The following EIF4G3 variants were observed in gnomAD, a reference collection of about 807,000 sequenced individuals.
EIF4G3 encodes the protein eIF-4-gamma 3.
Under a neutral mutation model 186.4 loss-of-function variants are expected in EIF4G3, and 34 were observed. The ratio of observed to expected loss-of-function variants is 0.18; its 90% CI spans 0.14 to 0.24. The LOEUF (loss-of-function observed/expected upper bound fraction) is 0.24. EIF4G3 is among the 10% of genes least tolerant of loss of function. The pLI is 1.00. For synonymous variants in EIF4G3, 673 were observed against 679.5 expected (o/e 0.99, Z 0.15); for missense variants, 1,536 against 1,948.5 (o/e 0.79, Z 3.99).
intron 2 of EIF4G3, among the ~76,000 whole-genome samples, chr1:21,114,611 A>T (rs2096785148): frequency 6.6e-6 from 1 of 152,230 alleles, no homozygotes; most frequent in Admixed American, 6.5e-5. Context: ...GTTATTCATT[A>T]AGACCACTGT....
intron 3 of EIF4G3, among the ~76,000 whole-genome samples, chr1:21,061,154 A>G (rs1291635009): frequency 6.6e-6 from 1 of 152,192 alleles, no homozygotes; most frequent in Non-Finnish European, 1.5e-5. Context: ...AAGAAGGGAA[A>G]GTATTCCTAA....
At chr1:20,813,100 G>A (rs1422219221) in intron 35 of EIF4G3, 58 bp downstream of exon 35, 19 of 1,167,936 alleles carry the variant, frequency 1.6e-5, no homozygotes, top group Non-Finnish European at 2.4e-5. Flanking sequence ...TGTATACTTA[G>A]TAGTTGACAT....
chr1:21,148,417 A>G (rs1184252229), intron 2 of EIF4G3, among the ~76,000 whole-genome samples: 1 of 151,988 alleles, frequency 6.6e-6, no homozygotes, highest in Non-Finnish European at 1.5e-5. Context: ...AAAATCGAGT[A>G]AACAGCCGGG....
At chr1:21,092,010 C>G (rs1350736941) in intron 2 of EIF4G3, among the ~76,000 whole-genome samples, 1 of 152,100 alleles carries the variant, frequency 6.6e-6, no homozygotes, top group Non-Finnish European at 1.5e-5. Flanking sequence ...ATTGCCCTGG[C>G]CAACTTCCAA....
At chr1:21,154,348 G>A (rs570240126) in intron 2 of EIF4G3, among the ~76,000 whole-genome samples, 27 of 152,264 alleles carry the variant, frequency 1.8e-4, no homozygotes, top group Middle Eastern at 3.4e-3. Flanking sequence ...CTAAAGTACA[G>A]AGAAAGGAAT....
At chr1:20,841,873 G>T (rs1380299514) in intron 29 of EIF4G3, among the ~76,000 whole-genome samples, 1 of 149,764 alleles carries the variant, frequency 6.7e-6, no homozygotes, top group African/African-American at 2.5e-5. Context: ...GGAGGATGTA[G>T]GTAGGAAGGG....
chr1:21,151,930 GTA>G (rs1465077430), intron 2 of EIF4G3, among the ~76,000 whole-genome samples: 3 of 152,072 alleles, frequency 2.0e-5, no homozygotes, highest in Non-Finnish European at 4.4e-5. Flanking sequence ...TACTAGTTTA[GTA>G]TAAAAGACAA....
intron 4 of EIF4G3, among the ~76,000 whole-genome samples, chr1:21,045,397 G>A (rs2093823866): frequency 6.6e-6 from 1 of 152,160 alleles, no homozygotes; most frequent in Non-Finnish European, 1.5e-5. Context: ...TATCTAACCA[G>A]TGGATCATAT....
At chr1:21,129,362 G>A (rs528922753) in intron 2 of EIF4G3, among the ~76,000 whole-genome samples, 4 of 151,808 alleles carry the variant, frequency 2.6e-5, no homozygotes, top group African/African-American at 9.7e-5. Context: ...TCAAAGTTAA[G>A]TGTGGACTGG....
At position 21,176,243 on chromosome 1, in the gene EIF4G3, CGCCGCCGCCGCCGCCGCCGCCGCT is replaced by C. The variant is rs775115404; in HGVS notation, c.-364_-341del. 7.8e-5 allele frequency: 29 copies of C among 370,408 alleles called. No individual in the cohort carries two copies. Among genetic ancestry groups the C allele is most frequent in the South Asian group, 2.6e-4 (3 of 11,368 alleles). 22.9% of individuals were successfully genotyped at this position (370,408 alleles called of 1,614,324 possible). On this transcript the variant is annotated 5_prime_UTR_variant, in exon 2 of 37. Coordinates refer to ENST00000602326, the MANE Select transcript of EIF4G3 (RefSeq NM_001391906.1). ...GAGGGGGGACCGCTGCCGCCGCCGC[CGCCGCCGCCGCCGCCGCCGCCGCT>C]GCTGCCGCCGCCGGGTGAGGAGGCG... is the stretch of plus-strand genomic sequence containing the variant.
chr1:21,034,664 G>C (rs542187333), intron 4 of EIF4G3, among the ~76,000 whole-genome samples: 1 of 152,368 alleles, frequency 6.6e-6, no homozygotes. Context: ...TGCTGACATG[G>C]CACTGGCAGA....
At chr1:20,829,019 A>C in intron 31 of EIF4G3, 128 bp downstream of exon 31, 1 of 985,592 alleles carries the variant, frequency 1.0e-6, no homozygotes, top group Non-Finnish European at 1.5e-6. Context: ...CAGAAGTCTT[A>C]AAGAGTCACA....
Position 20,951,246 on chromosome 1 carries a change from T to C in EIF4G3, c.715-1135A>G, listed in dbSNP as rs188675092. Among the ~76,000 whole-genome samples the C allele has an allele frequency of 2.0e-5, 3 of 152,230 alleles. No individual in the cohort carries two copies. The East Asian group carries it at 5.8e-4, about 29-fold the overall frequency. On this transcript the variant is annotated intron_variant, in intron 12 of 36. Transcript: ENST00000602326. ...ATACAATTTAGGATGATAGATATCA[T>C]TTAAGTAACTATGCTTTTCAGAATG...
chr1:21,073,593 C>A, intron 3 of EIF4G3: 1 of 490,266 alleles, frequency 2.0e-6, no homozygotes, highest in South Asian at 1.5e-5. Flanking sequence ...AACTGTAGGC[C>A]TCACAGCATG....
intron 26 of EIF4G3, among the ~76,000 whole-genome samples, chr1:20,854,632 G>A (rs553513099): frequency 1.6e-4 from 25 of 151,704 alleles, no homozygotes; most frequent in African/African-American, 6.0e-4. Context: ...TTGAACCTAG[G>A]TGGTTGAGGC....
Position 21,060,797 on chromosome 1 carries a change from A to C in EIF4G3, c.-195-9803T>G, listed in dbSNP as rs1425836606. 5.3e-5 allele frequency among the ~76,000 whole-genome samples: 7 copies of C among 133,004 alleles called. No homozygotes were observed. In the East Asian group the frequency reaches 5.9e-4, roughly 11 times the overall value. The allele number at this position is 133,004 out of a possible 152,430, so 87.3% of individuals were successfully genotyped here. ...TGTCTCTTAAGAAAAAAAAAAAAAA[A>C]AAAAAAACAAAGCTACTGCAATCAT... On this transcript the variant is annotated intron_variant, in intron 3 of 36. Transcript: ENST00000602326.
intron 20 of EIF4G3, among the ~76,000 whole-genome samples, chr1:20,878,323 T>C (rs193251871): frequency 1.0e-3 from 156 of 152,352 alleles, no homozygotes; most frequent in Non-Finnish European, 1.8e-3. Flanking sequence ...ATTTGCTTTA[T>C]AAAAGTTTTG....
chr1:21,105,411 C>A (rs189181370), intron 2 of EIF4G3, among the ~76,000 whole-genome samples: 1 of 149,420 alleles, frequency 6.7e-6, no homozygotes, highest in African/African-American at 2.5e-5. Flanking sequence ...GCCTATGCAA[C>A]GAGTGAAACT....
chr1:20,919,535 T>C (rs192754438), intron 14 of EIF4G3, among the ~76,000 whole-genome samples: 6 of 152,312 alleles, frequency 3.9e-5, no homozygotes, highest in Admixed American at 6.5e-5. Flanking sequence ...TCAGTTTATA[T>C]TGAATTTTCT....
Sources: allele counts gnomAD v4.1 joint callset (sites outside exome capture counted in the v4.1 genomes callset), GRCh38; gene constraint gnomAD v4.1.1; transcripts MANE v1.5; gene names NCBI Gene and HGNC (gene_info 2026-07-23, HGNC 2026-07-21).